The following GABRB3 variants were observed in gnomAD, a reference collection of about 807,000 sequenced individuals.
GABRB3 encodes gamma-aminobutyric acid type A receptor subunit beta3.
In GABRB3, 14 loss-of-function variants were observed where a neutral mutation model predicts 52.1. That is an observed-to-expected ratio of 0.27 (90% confidence interval 0.18 to 0.42). The LOEUF is 0.42. Ranked by LOEUF, GABRB3 falls within the 10% of genes least tolerant of loss-of-function variation. The pLI is 1.00. For synonymous variants in GABRB3, 260 were observed against 232.3 expected, an observed-to-expected ratio of 1.12 and a Z score of -1.08; for missense variants, 307 against 609.1, an observed-to-expected ratio of 0.50 and a Z score of 5.22.
chr15:26,731,230 A>C (rs1015681168), intron 3 of GABRB3, among the ~76,000 whole-genome samples: 42 of 152,228 alleles, frequency 2.8e-4, no homozygotes, highest in Admixed American at 9.8e-4. Context: ...ATCACCAAAC[A>C]ACAGTATAAC....
intron 3 of GABRB3, among the ~76,000 whole-genome samples, chr15:26,664,899 C>T (rs1166535982): frequency 2.0e-5 from 3 of 151,764 alleles, no homozygotes; most frequent in East Asian, 1.9e-4. Context: ...AGGGTTTCTC[C>T]GTGTTGGTCA....
chr15:26,755,295 G>A (rs988771494), intron 3 of GABRB3, among the ~76,000 whole-genome samples: 4 of 151,950 alleles, frequency 2.6e-5, no homozygotes, highest in Admixed American at 1.3e-4. Flanking sequence ...GTGAGCCACC[G>A]CACCCGGCCA....
intron 3 of GABRB3, among the ~76,000 whole-genome samples, chr15:26,769,147 A>C (rs1891075962): frequency 6.6e-6 from 1 of 152,234 alleles, no homozygotes; most frequent in Admixed American, 6.5e-5. Context: ...TGTTCTCTGC[A>C]ATCACACTAA....
At chr15:26,649,341 C>T (rs1435814531) in intron 3 of GABRB3, among the ~76,000 whole-genome samples, 1 of 152,178 alleles carries the variant, frequency 6.6e-6, no homozygotes, top group African/African-American at 2.4e-5. Flanking sequence ...TCTCTTCTCC[C>T]TCCACCATGT....
Position 26,545,161 on chromosome 15 carries a change from T to G in GABRB3, c.*2632A>C, listed in dbSNP as rs1889182026. ...CACATACCCAAGGATCTTAAAAAGTTTTTTTTTGTTTTTACAGAATATATG... is the reference window on the plus strand; with the variant it reads ...CACATACCCAAGGATCTTAAAAAGTGTTTTTTTGTTTTTACAGAATATATG... On this transcript the variant is annotated 3_prime_UTR_variant, in exon 9 of 9. Coordinates refer to ENST00000311550, the MANE Select transcript of GABRB3 (RefSeq NM_000814.6). The G allele has an allele frequency of 6.6e-6, 1 of 151,888 alleles. No individual in the cohort carries two copies. The highest frequency in any genetic ancestry group is 2.4e-5 in the African/African-American group (1 of 41,032). The allele number at this position is 151,888 out of a possible 1,614,324, so 9.4% of individuals were successfully genotyped here. A position where few individuals can be genotyped will look rare whatever the true frequency, so the allele number is the denominator to read the frequency against.
At chr15:26,584,258 T>C (rs1477452349) in intron 4 of GABRB3, among the ~76,000 whole-genome samples, 1 of 152,212 alleles carries the variant, frequency 6.6e-6, no homozygotes, top group Non-Finnish European at 1.5e-5. Flanking sequence ...AGTTCTTACC[T>C]TCAATTTTTG....
chr15:26,631,557 A>T (rs1892913472), intron 3 of GABRB3, among the ~76,000 whole-genome samples: 1 of 152,210 alleles, frequency 6.6e-6, no homozygotes, highest in Non-Finnish European at 1.5e-5. Context: ...TATGATACAA[A>T]ACCTTGCAGG....
chr15:26,758,347 T>C (rs1362295372), intron 3 of GABRB3, among the ~76,000 whole-genome samples: 1 of 152,274 alleles, frequency 6.6e-6, no homozygotes, highest in East Asian at 1.9e-4. Flanking sequence ...CCTGTCAGCC[T>C]TTGTTTAACA....
At chr15:26,761,993 C>T (rs1056165238) in intron 3 of GABRB3, among the ~76,000 whole-genome samples, 22 of 152,174 alleles carry the variant, frequency 1.4e-4, no homozygotes, top group East Asian at 7.7e-4. Context: ...CAATCACGCC[C>T]GGCTAATTTT....
At chr15:26,563,338 CAAT>C (rs1414931399) in intron 7 of GABRB3, among the ~76,000 whole-genome samples, 3 of 152,214 alleles carry the variant, frequency 2.0e-5, no homozygotes, top group Admixed American at 1.3e-4. Context: ...GAATCCCTAA[CAAT>C]AAGATTTCAC....
rs1370885138 is a variant in GABRB3, at chr15:26,553,956, C to A, written c.1081-5822G>T. ...GTGGCGTGACCATAGCTCACAGCAG[C>A]CCCAAATACCAGGGCTCAAGTGATC... On this transcript the variant is annotated intron_variant, in intron 8 of 8. Transcript: ENST00000311550. Among the ~76,000 whole-genome samples, 6 of 141,710 alleles carry A rather than the reference C, an allele frequency of 4.2e-5. No homozygotes were observed. The East Asian group carries it at 1.0e-3, about 24-fold the overall frequency. The allele number at this position is 141,710 out of a possible 152,430, so 93.0% of individuals were successfully genotyped here. A position where few individuals can be genotyped will look rare whatever the true frequency, so the allele number is the denominator to read the frequency against.
chr15:26,723,150 A>G (rs568655026), intron 3 of GABRB3, among the ~76,000 whole-genome samples: 7 of 152,330 alleles, frequency 4.6e-5, no homozygotes, highest in East Asian at 1.9e-4. Flanking sequence ...AAATCAGAGG[A>G]AAAAAATCAT....
At chr15:26,742,840 A>G (rs1890243812) in intron 3 of GABRB3, among the ~76,000 whole-genome samples, 1 of 151,314 alleles carries the variant, frequency 6.6e-6, no homozygotes, top group Non-Finnish European at 1.5e-5. Flanking sequence ...TATAATTCCA[A>G]TTGGAATTTT....
At chr15:26,555,289 TAG>T (rs1889710959) in intron 8 of GABRB3, among the ~76,000 whole-genome samples, 1 of 152,012 alleles carries the variant, frequency 6.6e-6, no homozygotes, top group Non-Finnish European at 1.5e-5. Context: ...GCATTCTAGG[TAG>T]AGAGGACAGG....
chr15:26,644,042 G>A (rs1595505184), intron 3 of GABRB3, among the ~76,000 whole-genome samples: 1 of 152,284 alleles, frequency 6.6e-6, no homozygotes, highest in East Asian at 1.9e-4. Flanking sequence ...CCCAGGGCAG[G>A]AGGTGAGGGA....
At chr15:26,565,807 A>T (rs1156996848) in intron 7 of GABRB3, among the ~76,000 whole-genome samples, 1 of 152,204 alleles carries the variant, frequency 6.6e-6, no homozygotes, top group Admixed American at 6.5e-5. Context: ...TAACTATCGC[A>T]GTGACGGCAA....
intron 4 of GABRB3, among the ~76,000 whole-genome samples, chr15:26,589,616 C>T (rs1391427729): frequency 6.6e-6 from 1 of 152,176 alleles, no homozygotes; most frequent in Non-Finnish European, 1.5e-5. Context: ...TATCTCTCCT[C>T]AGCTTCCTCC....
At chr15:26,738,342 C>T (rs1890119184) in intron 3 of GABRB3, among the ~76,000 whole-genome samples, 1 of 152,158 alleles carries the variant, frequency 6.6e-6, no homozygotes, top group African/African-American at 2.4e-5. Flanking sequence ...CTCCGCCCCC[C>T]AAAATGCTGG....
chr15:26,755,027 C>T (rs1486068202), intron 3 of GABRB3, among the ~76,000 whole-genome samples: 7 of 117,274 alleles, frequency 6.0e-5, no homozygotes, highest in African/African-American at 9.5e-5. Flanking sequence ...TTTTTTGAGA[C>T]GGAGTCTCGC....
Sources: gnomAD v4.1 joint callset for allele counts (sites outside exome capture counted in the v4.1 genomes callset) on GRCh38, gnomAD v4.1.1 for gene constraint, MANE v1.5 for transcripts, NCBI Gene and HGNC (gene_info 2026-07-23, HGNC 2026-07-21) for gene names.